Variants in TBC1D8B observed in about 807,000 individuals in gnomAD.
TBC1D8B encodes RP11-321G1.1.
TBC1D8B carries 75 observed loss-of-function variants against 82.9 expected under a neutral mutation model. The ratio of observed to expected loss-of-function variants is 0.90; its 90% confidence interval spans 0.75 to 1.10. The LOEUF (loss-of-function observed/expected upper bound fraction) is 1.10. TBC1D8B is among the 50% of genes least tolerant of loss of function. The probability of loss-of-function intolerance (pLI) is 0.00; values close to 1 mark genes in which losing one functional copy is unlikely to be tolerated. For missense variants in TBC1D8B, 794 were observed against 796.9 expected, an observed-to-expected ratio of 1.00 and a Z score of 0.04; for synonymous variants, 276 against 276.8, an observed-to-expected ratio of 1.00 and a Z score of 0.03.
intron 7 of TBC1D8B, among the ~76,000 whole-genome samples, chrX:106,835,418 T>C (rs1034237203): frequency 8.9e-5 from 10 of 112,061 alleles, no homozygotes; most frequent in Non-Finnish European, 1.9e-4. Flanking sequence ...CATTTTTCCC[T>C]CCTAGGCTTC....
intron 7 of TBC1D8B, among the ~76,000 whole-genome samples, chrX:106,834,735 G>C (rs1932130933): frequency 8.9e-6 from 1 of 111,832 alleles, no homozygotes; most frequent in Non-Finnish European, 1.9e-5. Context: ...GGGGCTACAG[G>C]CCCCATACAA....
rs546813815 is a variant in TBC1D8B at position 106,841,857 on chromosome X, C to T, written c.1719+973C>T. On this transcript the variant is annotated intron_variant, in intron 10 of 20. Coordinates refer to ENST00000357242, the MANE Select transcript of TBC1D8B (RefSeq NM_017752.3). ...ACAGGGAAAGAGCATGGAGAAACAA[C>T]TGTGAAAGATTTTATGGGCTAGGCT... 5.4e-4 allele frequency among the ~76,000 whole-genome samples: 60 copies of T among 111,480 alleles called. No homozygotes were observed. In the South Asian group the frequency reaches 0.022, roughly 41 times the overall value.
chrX:106,864,060 T>C (rs1012644399), intron 14 of TBC1D8B, among the ~76,000 whole-genome samples: 3 of 111,428 alleles, frequency 2.7e-5, no homozygotes, highest in Non-Finnish European at 5.7e-5. Flanking sequence ...TTGGCCTCTA[T>C]TGGGGCTGTG....
At chrX:106,822,988 G>A (rs1230110287) in intron 4 of TBC1D8B, among the ~76,000 whole-genome samples, 1 of 111,349 alleles carries the variant, frequency 9.0e-6, no homozygotes, top group Non-Finnish European at 1.9e-5. Context: ...TCCAGTCTGA[G>A]CAACAGAGTG....
At position 106,822,002 on chromosome X, in the gene TBC1D8B, A is replaced by T; in HGVS notation, c.386A>T (p.His129Leu). 1.7e-6 allele frequency: 2 copies of T among 1,210,399 alleles called. No individual in the cohort carries two copies. The highest frequency in any genetic ancestry group is 2.2e-6 in the Non-Finnish European group (2 of 894,665). ...GGATTAATTGCTGAAGAGGGAAAAC[A>T]TTGTTTTGCAAAAGAAGATGATCCT... ...IRGLIAEEGK[H>L]CFAKEDDPEK... Residue 129 changes from histidine to leucine, a missense_variant, in exon 4 of 21, where the codon CAT becomes CTT. Transcript: ENST00000357242.
chrX:106,832,803 T>A (rs1162356276), intron 7 of TBC1D8B, among the ~76,000 whole-genome samples: 2 of 111,545 alleles, frequency 1.8e-5, no homozygotes, highest in Non-Finnish European at 3.8e-5. Context: ...ATAGAAGTAA[T>A]GGGTTTCCTA....
intron 17 of TBC1D8B, among the ~76,000 whole-genome samples, chrX:106,867,678 T>A (rs1178438882): frequency 1.8e-5 from 2 of 111,453 alleles, no homozygotes; most frequent in Admixed American, 1.9e-4. Context: ...GATGGGGTAG[T>A]TCACAAAAAC....
Position 106,875,959 on chromosome X carries a change from A to T in TBC1D8B, c.*1994A>T, listed in dbSNP as rs775775396. 8.9e-6 allele frequency: 1 copy of T among 112,162 alleles called. No individual in the cohort carries two copies. The highest frequency in any genetic ancestry group is 3.7e-4 in the South Asian group (1 of 2,693). 9.2% of individuals were successfully genotyped at this position (112,162 alleles called of 1,213,427 possible). A position where few individuals can be genotyped will look rare whatever the true frequency, so the allele number is the denominator to read the frequency against. On this transcript the variant is annotated 3_prime_UTR_variant, in exon 21 of 21. Coordinates refer to ENST00000357242, the MANE Select transcript of TBC1D8B (RefSeq NM_017752.3). ...AACATTTATTTTCTGAGTCTGCAGG[A>T]GAAACAAACTAAACATTATAGTTTT...
rs866001314 is a variant in TBC1D8B at position 106,827,349 on chromosome X, T to A, written c.1203+12T>A. The A allele has an allele frequency of 2.5e-6, 3 of 1,205,287 alleles. No individual in the cohort carries two copies. In the East Asian group the frequency reaches 8.9e-5, roughly 36 times the overall value. On this transcript the variant is annotated intron_variant, in intron 7 of 20. Transcript: ENST00000357242. ...ATATTAGCACAGAGGTAATTAATTA[T>A]ACAGCAATCAAATCATTTGGAAAAA...
At chrX:106,809,505 A>C (rs1389725196) in intron 1 of TBC1D8B, among the ~76,000 whole-genome samples, 3 of 107,816 alleles carry the variant, frequency 2.8e-5, no homozygotes, top group Non-Finnish European at 5.7e-5. Context: ...TTTTTTCTAG[A>C]AGTTTTTTCT....
intron 6 of TBC1D8B, 109 bp from the exon 7 acceptor site, chrX:106,827,061 A>G (rs759008390): frequency 2.7e-5 from 23 of 858,080 alleles, no homozygotes; most frequent in Non-Finnish European, 3.5e-5. Flanking sequence ...AATAAGTCAT[A>G]CTATAGACCA....
intron 7 of TBC1D8B, among the ~76,000 whole-genome samples, chrX:106,837,487 A>G (rs1932200524): frequency 8.9e-6 from 1 of 112,160 alleles, no homozygotes; most frequent in Non-Finnish European, 1.9e-5. Flanking sequence ...TCAAAAGCAT[A>G]ATGAGATACC....
chrX:106,818,829 G>A (rs1931617707), intron 2 of TBC1D8B, 56 bp downstream of exon 2: 1 of 930,112 alleles, frequency 1.1e-6, no homozygotes, highest in Admixed American at 2.5e-5. Context: ...ACAAAGCTGA[G>A]TATTCATATT....
intron 3 of TBC1D8B, among the ~76,000 whole-genome samples, chrX:106,821,228 G>A (rs1253802954): frequency 3.6e-5 from 4 of 110,300 alleles, no homozygotes; most frequent in Non-Finnish European, 7.6e-5. Context: ...TATTCTTTAG[G>A]TACCAATTAC....
At chrX:106,827,376 AG>A in intron 7 of TBC1D8B, 39 bp downstream of exon 7, 6 of 1,191,925 alleles carry the variant, frequency 5.0e-6, no homozygotes, top group Non-Finnish European at 4.6e-6. Flanking sequence ...TTGGAAAAAA[AG>A]GTGTGTGTTT....
At chrX:106,823,798 T>A (rs765887653) in intron 5 of TBC1D8B, among the ~76,000 whole-genome samples, 10 of 112,102 alleles carry the variant, frequency 8.9e-5, no homozygotes, top group African/African-American at 3.2e-4. Context: ...ATGAATAGTC[T>A]AGACAGTTTG....
intron 2 of TBC1D8B, among the ~76,000 whole-genome samples, chrX:106,820,008 G>T (rs1481607756): frequency 1.8e-5 from 2 of 110,549 alleles, no homozygotes; most frequent in African/African-American, 6.5e-5. Context: ...TTAGTAGCAT[G>T]AATAAAATTC....
chrX:106,833,657 G>A (rs1157072365), intron 7 of TBC1D8B, among the ~76,000 whole-genome samples: 1 of 111,225 alleles, frequency 9.0e-6, no homozygotes, highest in East Asian at 2.8e-4. Context: ...AGGTTTTAAC[G>A]TGACTTTATG....
chrX:106,827,283 A>G lies in TBC1D8B; in HGVS notation c.1149A>G (p.Lys383=), dbSNP rs1374224487. 8.3e-7 allele frequency: 1 copy of G among 1,210,941 alleles called. No individual in the cohort carries two copies. ...AAGACTTTGAACAACTGGTAGCAAA[A>G]CTCAGGCTCAGATGCGGAGCAGCTT... ...EVKDFEQLVA[K]LRLRCGAAST... is the part of the protein sequence containing the mutation. Residue 383 remains lysine (K), a synonymous_variant, in exon 7 of 21, where the codon AAA becomes AAG. Transcript: ENST00000357242.
Sources: allele counts gnomAD v4.1 joint callset (sites outside exome capture counted in the v4.1 genomes callset), GRCh38; gene constraint gnomAD v4.1.1; transcripts MANE v1.5; gene names NCBI Gene and HGNC (gene_info 2026-07-23, HGNC 2026-07-21).